The following SYNE3 variants were observed in gnomAD, a reference collection of about 807,000 sequenced individuals.
The protein encoded by SYNE3 is spectrin repeat containing nuclear envelope family member 3, also known as nesprin-3.
In SYNE3, 100 loss-of-function variants were observed where a neutral mutation model predicts 111.2. The ratio of observed to expected loss-of-function variants is 0.90; its 90% CI spans 0.77 to 1.06. The LOEUF (loss-of-function observed/expected upper bound fraction) is 1.06, where lower values mean the gene tolerates loss of function less well. Among genes scored for constraint, SYNE3 ranks in the 50% least tolerant of loss-of-function variants. The probability of loss-of-function intolerance (pLI) is 0.00; values close to 1 mark genes in which losing one functional copy is unlikely to be tolerated. For synonymous variants in SYNE3, 547 were observed against 533.9 expected (o/e 1.02, Z -0.34); for missense variants, 1,160 against 1,240.3 (o/e 0.94, Z 0.97).
chr14:95,478,319 A>G (rs2139521645), intron 1 of SYNE3, among the ~76,000 whole-genome samples: 1 of 152,312 alleles, frequency 6.6e-6, no homozygotes, highest in South Asian at 2.1e-4. Context: ...AAGCTCTCAG[A>G]GGAGCTTCTT....
At chr14:95,508,612 A>G (rs1004053584) in intron 1 of SYNE3, among the ~76,000 whole-genome samples, 1 of 152,262 alleles carries the variant, frequency 6.6e-6, no homozygotes, top group Non-Finnish European at 1.5e-5. Flanking sequence ...TGAGATCTCA[A>G]TGCAGAGACG....
intron 6 of SYNE3, 111 bp from the exon 7 acceptor site, chr14:95,452,494 C>T: frequency 7.4e-7 from 1 of 1,344,938 alleles, no homozygotes. Context: ...TAGGAAGAAA[C>T]TGTCACCAGG....
At chr14:95,430,082 G>T in intron 17 of SYNE3, 1 of 631,744 alleles carries the variant, frequency 1.6e-6, no homozygotes, top group Non-Finnish European at 2.0e-6. Flanking sequence ...ATTAATTACA[G>T]GTTGTAGGAA....
chr14:95,416,892 T>C lies in SYNE3; in HGVS notation c.*934A>G, dbSNP rs530733951. On this transcript the variant is annotated 3_prime_UTR_variant, in exon 18 of 18. Transcript: ENST00000682763. ...AGGAGCAACAGAGGAAACACATCTT[T>C]CCTGGGCACTGCCAGTGGGTGCTGC... 6 of 152,402 alleles carry C rather than the reference T, an allele frequency of 3.9e-5. No homozygotes were observed. The highest frequency in any genetic ancestry group is 1.4e-4 in the African/African-American group (6 of 41,594). The allele number at this position is 152,402 out of a possible 1,614,324, so 9.4% of individuals were successfully genotyped here.
chr14:95,435,194 G>A (rs933787666), intron 15 of SYNE3, among the ~76,000 whole-genome samples: 10 of 151,822 alleles, frequency 6.6e-5, no homozygotes, highest in Non-Finnish European at 1.5e-4. Flanking sequence ...TATCTGGAAG[G>A]TATGAAAAAT....
intron 1 of SYNE3, among the ~76,000 whole-genome samples, chr14:95,488,848 T>C (rs1889694402): frequency 6.6e-6 from 1 of 152,336 alleles, no homozygotes. Flanking sequence ...GACAACACTG[T>C]ACGGTCAGTC....
At position 95,504,052 on chromosome 14, in the gene SYNE3, T is replaced by A. The variant is rs143720123; in HGVS notation, c.-15+12544A>T. Among the ~76,000 whole-genome samples the A allele has an allele frequency of 2.0e-5, 3 of 152,358 alleles. No individual in the cohort carries two copies. In the East Asian group the frequency reaches 5.8e-4, roughly 29 times the overall value. Reference sequence around the variant, plus strand: ...GGCCCACTGCCTGTTTCTGTACAGCTGTTGAGCTAAGAATGTTTTTTAACA... The same window carrying A: ...GGCCCACTGCCTGTTTCTGTACAGCAGTTGAGCTAAGAATGTTTTTTAACA... On this transcript the variant is annotated intron_variant, in intron 1 of 17. Transcript: ENST00000682763.
intron 2 of SYNE3, among the ~76,000 whole-genome samples, chr14:95,473,863 G>T (rs12896857): frequency 2.2e-5 from 3 of 138,100 alleles, no homozygotes; most frequent in Admixed American, 1.4e-4. Context: ...GCTAAGGCTG[G>T]TGTGAGCTTG....
chr14:95,417,436 A>G lies in SYNE3; in HGVS notation c.*390T>C, dbSNP rs1903615894. The G allele has an allele frequency of 7.8e-6, 2 of 257,688 alleles. No individual in the cohort carries two copies. The highest frequency in any genetic ancestry group is 1.7e-4 in the East Asian group (2 of 11,680). 16.0% of individuals were successfully genotyped at this position (257,688 alleles called of 1,614,324 possible). A position where few individuals can be genotyped will look rare whatever the true frequency, so the allele number is the denominator to read the frequency against. On this transcript the variant is annotated 3_prime_UTR_variant, in exon 18 of 18. Transcript: ENST00000682763. The stretch of plus-strand genomic sequence containing the variant: ...GAGAAGAGGTTGCCATGAAAGTGAC[A>G]TGTTATTGTTCTTGCTTTCTAGGGT...
chr14:95,429,966 CTAAGGAAGGAAG>C, intron 17 of SYNE3: 4 of 864,240 alleles, frequency 4.6e-6, no homozygotes, highest in Non-Finnish European at 5.1e-6. Context: ...ACAGTCAGAA[CTAAGGAAGGAAG>C]GAAGGAAGGA....
At chr14:95,481,888 A>T (rs902658417) in intron 1 of SYNE3, among the ~76,000 whole-genome samples, 1 of 152,232 alleles carries the variant, frequency 6.6e-6, no homozygotes, top group African/African-American at 2.4e-5. Context: ...CCTGGCACTG[A>T]AAAAACGCCC....
Position 95,452,130 on chromosome 14 carries a change from C to G in SYNE3, c.1274+117G>C, listed in dbSNP as rs999582421. ...TCTAAAAGCCAGTCATTGAGAGGTA[C>G]AAAGAATGATTTAGAAGTTACTATG... On this transcript the variant is annotated intron_variant, in intron 7 of 17. Coordinates refer to ENST00000682763, the MANE Select transcript of SYNE3 (RefSeq NM_152592.6). 5 of 1,277,878 alleles carry G rather than the reference C, an allele frequency of 3.9e-6. No individual in the cohort carries two copies. In the African/African-American group the frequency reaches 5.9e-5, roughly 15 times the overall value. The allele number at this position is 1,277,878 out of a possible 1,614,324, so 79.2% of individuals were successfully genotyped here. A position where few individuals can be genotyped will look rare whatever the true frequency, so the allele number is the denominator to read the frequency against.
intron 2 of SYNE3, among the ~76,000 whole-genome samples, chr14:95,474,713 T>G (rs1888770487): frequency 6.6e-6 from 1 of 152,098 alleles, no homozygotes; most frequent in Non-Finnish European, 1.5e-5. Context: ...AGAAAGGGCA[T>G]GAGATATATG....
At chr14:95,429,145 T>A (rs554728048) in intron 17 of SYNE3, among the ~76,000 whole-genome samples, 1 of 152,328 alleles carries the variant, frequency 6.6e-6, no homozygotes, top group South Asian at 2.1e-4. Flanking sequence ...AAAGGAGGAT[T>A]TCCCCCTTGG....
Position 95,433,283 on chromosome 14 carries a change from G to A in SYNE3, c.2665C>T (p.Leu889=), listed in dbSNP as rs772184671. The change falls in exon 16 of 18, where the codon CTG becomes TTG. Residue 889 remains leucine, a synonymous_variant. Transcript: ENST00000682763. ...RYQWMLYKSK[L]KDSGHLLTQS... is the part of the protein sequence containing the mutation. ...ACCAGCAGGTGGCCAGAGTCCTTCA[G>A]CTTGGACTTGTACAGCATCCACTGG... The A allele has an allele frequency of 1.2e-6, 2 of 1,613,984 alleles. No homozygotes were observed. The highest frequency in any genetic ancestry group is 1.3e-5 in the African/African-American group (1 of 74,928).
chr14:95,447,135 CTT>C (rs11412651), intron 8 of SYNE3, among the ~76,000 whole-genome samples: 74 of 134,492 alleles, frequency 5.5e-4, no homozygotes, highest in Admixed American at 7.7e-4. Flanking sequence ...AGTGGTCATT[CTT>C]TTTTTTTTTT....
rs1885847250 is a variant in SYNE3, at chr14:95,432,639, T to G, written c.2689-522A>C. On this transcript the variant is annotated intron_variant, in intron 16 of 17. Transcript: ENST00000682763. ...ATGATCATTACTAGTTTTGCTATTA[T>G]TATTATTATTATTATTATTATTATT... Among the ~76,000 whole-genome samples, 4 of 65,488 alleles carry G rather than the reference T, an allele frequency of 6.1e-5. No homozygotes were observed. In the South Asian group the frequency reaches 2.5e-3, roughly 41 times the overall value. 43.0% of individuals were successfully genotyped at this position (65,488 alleles called of 152,430 possible).
chr14:95,409,295 G>A lies in SYNE3; in HGVS notation c.*8531C>T. On this transcript the variant is annotated 3_prime_UTR_variant, in exon 18 of 18. Transcript: ENST00000682763. ...CATGACTCCATAGCACAGGCTTTTT[G>A]AAAGTGTCATGACCATATTGCAGGC... 2.2e-6 allele frequency: 1 copy of A among 456,748 alleles called. No individual in the cohort carries two copies. Among genetic ancestry groups the A allele is most frequent in the Non-Finnish European group, 4.4e-6 (1 of 226,974 alleles). The allele number at this position is 456,748 out of a possible 1,614,324, so 28.3% of individuals were successfully genotyped here.
chr14:95,430,430 G>C (rs10141022), intron 17 of SYNE3, among the ~76,000 whole-genome samples: 3,443 of 152,012 alleles, frequency 0.023, 153 homozygotes, highest in African/African-American at 0.078. Flanking sequence ...GGGGGTGTTG[G>C]GGGCAGGGCT....
Sources: gnomAD v4.1 joint callset for allele counts (sites outside exome capture counted in the v4.1 genomes callset) on GRCh38, gnomAD v4.1.1 for gene constraint, MANE v1.5 for transcripts, NCBI Gene and HGNC (gene_info 2026-07-23, HGNC 2026-07-21) for gene names.